The following DIP2A variants were observed in gnomAD, a reference collection of about 807,000 sequenced individuals.
DIP2A encodes disco-interacting protein 2 homolog A.
DIP2A carries 85 observed loss-of-function variants against 177.4 expected under a neutral mutation model. That is an observed-to-expected ratio of 0.48 (90% CI 0.40 to 0.57). The LOEUF is 0.57. Ranked by LOEUF, DIP2A falls within the 20% of genes least tolerant of loss-of-function variation. The pLI is 0.00. For synonymous variants in DIP2A, 886 were observed against 881.8 expected (o/e 1.00, Z -0.08); for missense variants, 1,791 against 2,100.2 (o/e 0.85, Z 2.88).
Position 46,546,938 on chromosome 21 carries a change from C to T in DIP2A, c.2418C>T (p.Gly806=), listed in dbSNP as rs2148847248. ...AGGACAACCTGGTCTTCATCGTGGGCAAACTGGACGGGCTGATGGTCACTG... is the reference window on the plus strand; with the variant it reads ...AGGACAACCTGGTCTTCATCGTGGGTAAACTGGACGGGCTGATGGTCACTG... ...IGPDNLVFIV[G]KLDGLMVTGV... The change falls in exon 21 of 38, where the codon GGC becomes GGT. Residue 806 remains glycine (G), a synonymous_variant. Coordinates refer to ENST00000417564, the MANE Select transcript of DIP2A (RefSeq NM_015151.4). 1.2e-6 allele frequency: 2 copies of T among 1,613,908 alleles called. No homozygotes were observed. The highest frequency in any genetic ancestry group is 1.1e-5 in the South Asian group (1 of 91,048).
intron 1 of DIP2A, among the ~76,000 whole-genome samples, chr21:46,470,488 G>C (rs2055261725): frequency 6.8e-6 from 1 of 147,936 alleles, no homozygotes; most frequent in Admixed American, 6.7e-5. Flanking sequence ...AAAAAAAAGG[G>C]GGGGCCAGGC....
At position 46,563,456 on chromosome 21, in the gene DIP2A, C is replaced by A. The variant is rs1363152390; in HGVS notation, c.4090-402C>A. 6.6e-6 allele frequency among the ~76,000 whole-genome samples: 1 copy of A among 152,200 alleles called. No homozygotes were observed. Among genetic ancestry groups the A allele is most frequent in the Non-Finnish European group, 1.5e-5 (1 of 68,032 alleles). Reference sequence around the variant, plus strand: ...GACTCGGAGTCACGGGCAGGAAGAACTTCCTCATGGTCAGGTTCCTGGCCA... The same window carrying A: ...GACTCGGAGTCACGGGCAGGAAGAAATTCCTCATGGTCAGGTTCCTGGCCA... On this transcript the variant is annotated intron_variant, in intron 34 of 37. Transcript: ENST00000417564. The surrounding 1 kb of genome is among the most constrained non-coding windows in gnomAD (Gnocchi z 4.3).
intron 8 of DIP2A, among the ~76,000 whole-genome samples, chr21:46,518,200 A>G (rs1391366255): frequency 6.6e-6 from 1 of 152,256 alleles, no homozygotes; most frequent in Non-Finnish European, 1.5e-5. Flanking sequence ...TACTAGAAAC[A>G]GTGCTCCCAG....
chr21:46,551,008 AG>A (rs1299726576), intron 23 of DIP2A, among the ~76,000 whole-genome samples: 1 of 152,196 alleles, frequency 6.6e-6, no homozygotes, highest in African/African-American at 2.4e-5. Flanking sequence ...GATAAACTCA[AG>A]GATGGCATCT....
At chr21:46,528,017 G>A (rs572915280) in intron 8 of DIP2A, among the ~76,000 whole-genome samples, 26 of 152,216 alleles carry the variant, frequency 1.7e-4, no homozygotes, top group East Asian at 7.7e-4. Flanking sequence ...TAGCAGCTGC[G>A]CCAGGAGGGG....
At chr21:46,511,172 G>T (rs1299051868) in intron 7 of DIP2A, among the ~76,000 whole-genome samples, 1 of 152,104 alleles carries the variant, frequency 6.6e-6, no homozygotes, top group African/African-American at 2.4e-5. Flanking sequence ...TGTCTGTGAG[G>T]TTGTGGTCAC....
At position 46,556,044 on chromosome 21, in the gene DIP2A, TACTTGG is replaced by T; in HGVS notation, c.3456_3461del (p.Leu1152_Asp1153del). 1 of 1,613,958 alleles carries T rather than the reference TACTTGG, an allele frequency of 6.2e-7. No individual in the cohort carries two copies. The highest frequency in any genetic ancestry group is 8.5e-7 in the Non-Finnish European group (1 of 1,179,864). On this transcript the variant is annotated inframe_deletion, in exon 29 of 38. Transcript: ENST00000417564. The surrounding 1 kb of genome is among the most constrained non-coding windows in gnomAD (Gnocchi z 4.5). ...GCCCCCCTCCCCCGATGTCCTCGCA[TACTTGG>T]ACTTCAGCGTGTCAACCACTGGGAT...
chr21:46,472,919 C>T (rs1268455682), intron 1 of DIP2A, among the ~76,000 whole-genome samples: 1 of 152,138 alleles, frequency 6.6e-6, no homozygotes, highest in Non-Finnish European at 1.5e-5. Context: ...TCTGTGGTGT[C>T]CAGCATGGTG....
rs373572899 is a variant in DIP2A, at chr21:46,554,919, C to T, written c.3374C>T (p.Thr1125Ile). The stretch of plus-strand genomic sequence containing the variant: ...GCCGTGGACATCAGGACCTGGCCCA[C>T]CATCCTAGACACAGGTGCGTGTCCT... The part of the protein sequence containing the change: ...AAAVDIRTWP[T>I]ILDTDDIPKK... The change falls in exon 28 of 38, where the codon ACC (threonine) becomes ATC (isoleucine). Residue 1125 changes from threonine to isoleucine, a missense_variant. Coordinates refer to ENST00000417564, the MANE Select transcript of DIP2A (RefSeq NM_015151.4). The T allele has an allele frequency of 7.8e-5, 121 of 1,552,260 alleles. No homozygotes were observed. The Middle Eastern group carries it at 4.4e-3, about 56-fold the overall frequency.
At chr21:46,464,525 A>G (rs113256393) in intron 1 of DIP2A, among the ~76,000 whole-genome samples, 19 of 152,308 alleles carry the variant, frequency 1.2e-4, no homozygotes, top group African/African-American at 4.6e-4. Flanking sequence ...GTAATTTACA[A>G]AGAAAAATTT....
intron 8 of DIP2A, among the ~76,000 whole-genome samples, chr21:46,515,307 A>G (rs1200017655): frequency 6.6e-6 from 1 of 152,238 alleles, no homozygotes; most frequent in Non-Finnish European, 1.5e-5. Flanking sequence ...TGTCAGTTCT[A>G]CATTGTGGCT....
intron 34 of DIP2A, among the ~76,000 whole-genome samples, chr21:46,562,480 A>G (rs2060698929): frequency 6.6e-6 from 1 of 152,174 alleles, no homozygotes; most frequent in Non-Finnish European, 1.5e-5. Flanking sequence ...GACTCCGTTC[A>G]CTGCCATGGC....
chr21:46,565,625 C>G, intron 35 of DIP2A, 88 bp from the exon 36 acceptor site: 2 of 1,337,670 alleles, frequency 1.5e-6, no homozygotes, highest in Non-Finnish European at 2.0e-6. Context: ...TTTTCTGGAG[C>G]ATTATTCTTG....
chr21:46,533,477 G>T (rs1423860462), intron 10 of DIP2A, 47 bp from the exon 11 acceptor site: 2 of 1,593,720 alleles, frequency 1.3e-6, no homozygotes, highest in Non-Finnish European at 1.7e-6. Context: ...CTGGGGCTGT[G>T]GCTGCTGTGA....
At chr21:46,491,672 A>G (rs973317752) in intron 3 of DIP2A, among the ~76,000 whole-genome samples, 2 of 152,210 alleles carry the variant, frequency 1.3e-5, no homozygotes, top group Non-Finnish European at 2.9e-5. Flanking sequence ...TGTTGTCCTC[A>G]TGCCTGGATG....
intron 3 of DIP2A, 86 bp from the exon 4 acceptor site, chr21:46,496,902 G>GA (rs1173357111): frequency 9.2e-6 from 13 of 1,417,566 alleles, no homozygotes; most frequent in Non-Finnish European, 1.2e-5. Flanking sequence ...TACCCCCACT[G>GA]AAAACAAACA....
At position 46,534,011 on chromosome 21, in the gene DIP2A, C is replaced by T; in HGVS notation, c.1437C>T (p.Pro479=). The change falls in exon 12 of 38, where the codon CCC becomes CCT. Residue 479 remains proline, a synonymous_variant. Transcript: ENST00000417564. Reference sequence around the variant, plus strand: ...CCTGTCTGTGTGTCACAGGTTGGCCCCCGCTCTCCTGGCTAGTGATTGATG... The same window carrying T: ...CCTGTCTGTGTGTCACAGGTTGGCCTCCGCTCTCCTGGCTAGTGATTGATG... ...TGEVAAFKGW[P]PLSWLVIDGK... is the part of the protein sequence containing the mutation. 14 of 1,613,078 alleles carry T rather than the reference C, an allele frequency of 8.7e-6. No individual in the cohort carries two copies. The highest frequency in any genetic ancestry group is 2.2e-5 in the East Asian group (1 of 44,836).
At chr21:46,461,240 G>A (rs1351346569) in intron 1 of DIP2A, among the ~76,000 whole-genome samples, 1 of 122,676 alleles carries the variant, frequency 8.2e-6, no homozygotes, top group Non-Finnish European at 1.6e-5. Context: ...CTCCAGCCTG[G>A]GCAACAGAGC....
At chr21:46,538,291 G>A (rs1298013643) in intron 15 of DIP2A, among the ~76,000 whole-genome samples, 192 bp from the exon 16 acceptor site, 5 of 152,162 alleles carry the variant, frequency 3.3e-5, no homozygotes, top group African/African-American at 9.7e-5. Context: ...GTTGATTTTT[G>A]TGGAAAAAGC....
Sources: allele counts gnomAD v4.1 joint callset (sites outside exome capture counted in the v4.1 genomes callset), GRCh38; gene constraint gnomAD v4.1.1; non-coding constraint Gnocchi (gnomAD v3.1); transcripts MANE v1.5; gene names NCBI Gene and HGNC (gene_info 2026-07-23, HGNC 2026-07-21).